Variants in LOC400499 observed in about 807,000 individuals in gnomAD.
At chr16:11,413,494 G>T in the LOC400499 span, among the ~76,000 whole-genome samples, 1 of 152,194 alleles carries the variant, frequency 6.6e-6, no homozygotes, top group African/African-American at 2.4e-5. Context: ...GGAGGGCCCA[G>T]CCAAGCAGGA....
At chr16:11,392,671 C>G in the LOC400499 span, 3 of 650,386 alleles carry the variant, frequency 4.6e-6, no homozygotes, top group Non-Finnish European at 5.7e-6. Flanking sequence ...CCTGAAGCCC[C>G]CTCTTCTGTC....
the LOC400499 span, chr16:11,381,039 G>C: frequency 1.3e-5 from 2 of 152,646 alleles, no homozygotes; most frequent in South Asian, 4.1e-4. Flanking sequence ...TTTGGTACTA[G>C]AACGGTGCTT....
chr16:11,465,692 G>A, the LOC400499 span, among the ~76,000 whole-genome samples: 65 of 152,128 alleles, frequency 4.3e-4, no homozygotes, highest in African/African-American at 1.5e-3. Context: ...AGGATCGCTT[G>A]AGCCCAGGGG....
chr16:11,464,371 C>T, the LOC400499 span, among the ~76,000 whole-genome samples: 68 of 152,222 alleles, frequency 4.5e-4, no homozygotes, highest in Non-Finnish European at 7.5e-4. Context: ...TCAAGGTGCA[C>T]ATGAACAGGG....
chr16:11,448,902 G>A, the LOC400499 span: 2 of 1,449,802 alleles, frequency 1.4e-6, no homozygotes, highest in South Asian at 1.3e-5. Context: ...GGCTGCACGG[G>A]CCTCCTGGGT....
chr16:11,498,109 G>C, the LOC400499 span, among the ~76,000 whole-genome samples: 1 of 152,278 alleles, frequency 6.6e-6, no homozygotes, highest in Admixed American at 6.5e-5. Context: ...ACTGGGACCT[G>C]GGGGAGATCA....
chr16:11,384,855 G>A, the LOC400499 span: 1 of 1,232,082 alleles, frequency 8.1e-7, no homozygotes, highest in Non-Finnish European at 1.0e-6. Flanking sequence ...GTCCGCTGTA[G>A]GTGGGGCCAA....
At chr16:11,394,598 G>A in the LOC400499 span, among the ~76,000 whole-genome samples, 5 of 152,246 alleles carry the variant, frequency 3.3e-5, no homozygotes, top group Non-Finnish European at 7.3e-5. Flanking sequence ...TGAACGTGGT[G>A]TTATTCGGAA....
At chr16:11,456,967 A>T in the LOC400499 span, 1 of 1,536,154 alleles carries the variant, frequency 6.5e-7, no homozygotes, top group Non-Finnish European at 8.7e-7. Flanking sequence ...CTCTCCACAT[A>T]GGGCAGGCGG....
chr16:11,416,215 G>C, the LOC400499 span, among the ~76,000 whole-genome samples: 13 of 152,186 alleles, frequency 8.5e-5, no homozygotes, highest in South Asian at 1.7e-3. Flanking sequence ...CTCCCAAAGT[G>C]CTAGGATTAC....
the LOC400499 span, among the ~76,000 whole-genome samples, chr16:11,420,607 CCG>C: frequency 0.15 from 15,074 of 101,430 alleles, 1,261 homozygotes; most frequent in African/African-American, 0.3. Flanking sequence ...ACCCCCCCCC[CCG>C]GAAAAAAACC....
the LOC400499 span, among the ~76,000 whole-genome samples, chr16:11,422,021 C>A: frequency 1.3e-5 from 2 of 152,212 alleles, no homozygotes; most frequent in African/African-American, 4.8e-5. Flanking sequence ...CCCACACAGC[C>A]CAGTGACACA....
chr16:11,404,068 G>A, the LOC400499 span, among the ~76,000 whole-genome samples: 3 of 152,136 alleles, frequency 2.0e-5, no homozygotes, highest in African/African-American at 4.8e-5. Flanking sequence ...AAGTGCCTCT[G>A]CTCAGATCTG....
chr16:11,484,175 T>C, the LOC400499 span, among the ~76,000 whole-genome samples: 1 of 151,716 alleles, frequency 6.6e-6, no homozygotes, highest in Non-Finnish European at 1.5e-5. Flanking sequence ...GCCTGGCTAA[T>C]TTTTTGTATT....
At chr16:11,377,042 C>G in the LOC400499 span, among the ~76,000 whole-genome samples, 1 of 151,656 alleles carries the variant, frequency 6.6e-6, no homozygotes, top group Non-Finnish European at 1.5e-5. Context: ...CAGCCTTGAC[C>G]TCTGAGGCTC....
the LOC400499 span, chr16:11,440,802 G>C: frequency 2.5e-6 from 1 of 399,100 alleles, no homozygotes; most frequent in Non-Finnish European, 4.4e-6. Context: ...TCTGTCTAAA[G>C]ATGATGCCCC....
chr16:11,396,389 C>G, the LOC400499 span: 1 of 953,376 alleles, frequency 1.0e-6, no homozygotes, highest in Non-Finnish European at 1.4e-6. Flanking sequence ...GTTTGCAGTT[C>G]CTCAGATAGC....
At chr16:11,526,265 C>G in the LOC400499 span, among the ~76,000 whole-genome samples, 2 of 152,190 alleles carry the variant, frequency 1.3e-5, no homozygotes, top group East Asian at 3.8e-4. Context: ...AACCAATACT[C>G]AATTCACTTA....
the LOC400499 span, chr16:11,494,578 G>C: frequency 7.5e-6 from 3 of 398,346 alleles, no homozygotes; most frequent in East Asian, 1.1e-4. Context: ...TCCTCACCTT[G>C]TCATCATCCG....
Sources: allele counts gnomAD v4.1 joint callset (sites outside exome capture counted in the v4.1 genomes callset), GRCh38; gene constraint gnomAD v4.1.1; transcripts MANE v1.5.